Variants in SELP observed in about 807,000 individuals in gnomAD.
SELP encodes selectin P, also known as P-selectin.
SELP carries 92 observed loss-of-function variants against 104.1 expected under a neutral mutation model. The observed-to-expected ratio is 0.88, with a 90% CI of 0.75 to 1.05. The LOEUF is 1.05. Among genes scored for constraint, SELP ranks in the 50% least tolerant of loss-of-function variants. The probability of loss-of-function intolerance (pLI) is 0.00; values close to 1 mark genes in which losing one functional copy is unlikely to be tolerated. For synonymous variants in SELP, 397 were observed against 364.5 expected (o/e 1.09, Z -1.01); for missense variants, 1,022 against 1,017.3 (o/e 1.00, Z -0.06).
chr1:169,611,729 C>A, intron 6 of SELP, 52 bp from the exon 7 acceptor site: 2 of 1,535,530 alleles, frequency 1.3e-6, no homozygotes, highest in Non-Finnish European at 1.8e-6. Flanking sequence ...AGGAGAAAAG[C>A]CACACAGAGA....
chr1:169,607,101 T>G lies in SELP; in HGVS notation c.1367A>C (p.Glu456Ala). ...GGGGTGGGAGCAGTTCACCCGGGCC[T>G]CATTTGGAACTGGGAGATCCTGGCA... ...LQCQDLPVPN[E>A]ARVNCSHPFG... The change falls in exon 9 of 17, where the codon GAG (glutamate) becomes GCG (alanine). Residue 456 changes from glutamate (E) to alanine (A), a missense_variant. By Grantham distance (107) the Glu-to-Ala change is moderately radical. Coordinates refer to ENST00000263686, the MANE Select transcript of SELP (RefSeq NM_003005.4). 1 of 1,606,056 alleles carries G rather than the reference T, an allele frequency of 6.2e-7. No homozygotes were observed. The highest frequency in any genetic ancestry group is 8.5e-7 in the Non-Finnish European group (1 of 1,173,678).
At chr1:169,605,905 AG>A (rs1662168775) in intron 9 of SELP, among the ~76,000 whole-genome samples, 1 of 152,180 alleles carries the variant, frequency 6.6e-6, no homozygotes, top group South Asian at 2.1e-4. Context: ...AGGGGGAAAA[AG>A]CTTGGGGAAT....
chr1:169,600,593 G>A (rs1661858836), intron 10 of SELP, among the ~76,000 whole-genome samples: 2 of 152,084 alleles, frequency 1.3e-5, no homozygotes, highest in Non-Finnish European at 2.9e-5. Context: ...ATCTCACATT[G>A]CACTCTGAAG....
intron 7 of SELP, 43 bp downstream of exon 7, chr1:169,611,449 T>G: frequency 1.3e-6 from 2 of 1,595,314 alleles, no homozygotes; most frequent in Non-Finnish European, 1.7e-6. Context: ...CATGCCATGA[T>G]TCCTTCTTGG....
chr1:169,629,592 G>A (rs568701523), intron 1 of SELP, among the ~76,000 whole-genome samples: 4 of 152,200 alleles, frequency 2.6e-5, no homozygotes, highest in African/African-American at 7.2e-5. Flanking sequence ...GAGGGATGGG[G>A]ATGAGAAACT....
At position 169,617,158 on chromosome 1, in the gene SELP, C is replaced by G; in HGVS notation, c.351G>C (p.Trp117Cys). Residue 117 changes from tryptophan to cysteine, a missense_variant, in exon 3 of 17, where the codon TGG becomes TGC. By Grantham distance (215) the Trp-to-Cys change is radical. Transcript: ENST00000263686. ...KKALTNEAEN[W>C]ADNEPNNKRN... Reference sequence around the variant, plus strand: ...TTTTGTTGTTAGGTTCATTATCAGCCCAGTTCTCAGCCTCGTTGGTGAGAG... The same window carrying G: ...TTTTGTTGTTAGGTTCATTATCAGCGCAGTTCTCAGCCTCGTTGGTGAGAG... 1 of 1,614,128 alleles carries G rather than the reference C, an allele frequency of 6.2e-7. No homozygotes were observed.
chr1:169,608,698 C>T (rs1226395992), intron 8 of SELP, among the ~76,000 whole-genome samples: 1 of 152,088 alleles, frequency 6.6e-6, no homozygotes, highest in Non-Finnish European at 1.5e-5. Flanking sequence ...CTCTTCAAGA[C>T]CTGCTTTCAA....
intron 1 of SELP, among the ~76,000 whole-genome samples, chr1:169,625,094 C>G (rs1007739561): frequency 7.9e-5 from 12 of 152,128 alleles, no homozygotes; most frequent in African/African-American, 2.9e-4. Context: ...CTTGCCTCCC[C>G]CTTACTCTCC....
At chr1:169,595,223 A>G (rs1661545187) in intron 12 of SELP, among the ~76,000 whole-genome samples, 1 of 152,204 alleles carries the variant, frequency 6.6e-6, no homozygotes, top group African/African-American at 2.4e-5. Flanking sequence ...ATTTGTGATC[A>G]ACTGGCATGT....
At chr1:169,608,575 T>C (rs985265271) in intron 8 of SELP, among the ~76,000 whole-genome samples, 1 of 152,218 alleles carries the variant, frequency 6.6e-6, no homozygotes, top group African/African-American at 2.4e-5. Context: ...TATTCCACTG[T>C]AAGTATGTGG....
intron 11 of SELP, 21 bp from the exon 12 acceptor site, chr1:169,596,155 C>A (rs3917811): frequency 0.13 from 207,355 of 1,604,804 alleles, 22,023 homozygotes; most frequent in African/African-American, 0.56. Context: ...AAAATGTTTC[C>A]ATTCAGAGAC....
intron 9 of SELP, among the ~76,000 whole-genome samples, chr1:169,606,638 A>G (rs1421697113): frequency 6.6e-6 from 1 of 152,030 alleles, no homozygotes; most frequent in African/African-American, 2.4e-5. Flanking sequence ...ATGTTTGGCC[A>G]GGTGAGAAGA....
chr1:169,596,282 A>T, intron 11 of SELP, 148 bp from the exon 12 acceptor site: 1 of 688,180 alleles, frequency 1.5e-6, no homozygotes, highest in Non-Finnish European at 2.5e-6. Context: ...AAGAAAAACT[A>T]TCAGTGTCAG....
intron 9 of SELP, 96 bp from the exon 10 acceptor site, chr1:169,603,307 CTGTGTGTG>C (rs3035296): frequency 0.38 from 230,360 of 604,104 alleles, 37,293 homozygotes; most frequent in East Asian, 0.63. Context: ...CTCTCTCTCT[CTGTGTGTG>C]TGTGTGTGTG....
At chr1:169,592,128 C>T (rs914841918) in intron 14 of SELP, among the ~76,000 whole-genome samples, 1 of 152,190 alleles carries the variant, frequency 6.6e-6, no homozygotes, top group Non-Finnish European at 1.5e-5. Context: ...GGTCTAGGAG[C>T]TCTTGCCTCT....
chr1:169,629,590 G>A (rs1663536683), intron 1 of SELP, among the ~76,000 whole-genome samples: 1 of 152,202 alleles, frequency 6.6e-6, no homozygotes, highest in Non-Finnish European at 1.5e-5. Context: ...GGGAGGGATG[G>A]GGATGAGAAA....
In SELP at chr1:169,609,562, G is replaced by A. The variant is rs375652417; in HGVS notation, c.1275C>T (p.Ala425=). ...RCAEGFMLRG[A]DIVRCDNLGQ... ...CCAAGTTATCACACCGAACTATATCGGCTCCTCTCAGCATGAAACCTTCAG... is the reference window on the plus strand; with the variant it reads ...CCAAGTTATCACACCGAACTATATCAGCTCCTCTCAGCATGAAACCTTCAG... The change falls in exon 8 of 17, where the codon GCC becomes GCT. Residue 425 remains alanine (A), a synonymous_variant. Transcript: ENST00000263686. 8.8e-5 allele frequency: 142 copies of A among 1,613,916 alleles called. No individual in the cohort carries two copies. In the South Asian group the frequency reaches 1.4e-3, roughly 15 times the overall value.
intron 12 of SELP, among the ~76,000 whole-genome samples, chr1:169,595,189 T>C (rs751093939): frequency 2.0e-5 from 3 of 152,202 alleles, no homozygotes; most frequent in Non-Finnish European, 4.4e-5. Context: ...CTTAAAATAC[T>C]GTTAGTCTAA....
intron 14 of SELP, among the ~76,000 whole-genome samples, chr1:169,593,076 T>A (rs370027206): frequency 2.0e-5 from 3 of 152,200 alleles, no homozygotes; most frequent in African/African-American, 7.2e-5. Context: ...GTTGTATTTG[T>A]GTCCTAACAC....
Sources: allele counts gnomAD v4.1 joint callset (sites outside exome capture counted in the v4.1 genomes callset), GRCh38; gene constraint gnomAD v4.1.1; transcripts MANE v1.5; gene names NCBI Gene and HGNC (gene_info 2026-07-23, HGNC 2026-07-21).